The following ATP10D variants were observed in gnomAD, a reference collection of about 807,000 sequenced individuals.
ATP10D encodes phospholipid-transporting ATPase VD.
Under a neutral mutation model 144.8 loss-of-function variants are expected in ATP10D, and 89 were observed. The observed-to-expected ratio is 0.61, with a 90% CI of 0.52 to 0.73. The LOEUF is 0.73. Ranked by LOEUF, ATP10D falls within the 30% of genes least tolerant of loss-of-function variation. The pLI, the probability that ATP10D is intolerant of heterozygous loss-of-function variation, is 0.00. For synonymous variants in ATP10D, 571 were observed against 615.1 expected, an observed-to-expected ratio of 0.93 and a Z score of 1.06; for missense variants, 1,603 against 1,714.8, an observed-to-expected ratio of 0.93 and a Z score of 1.15.
At chr4:47,580,314 C>T in intron 19 of ATP10D, 84 bp from the exon 20 acceptor site, 1 of 1,102,022 alleles carries the variant, frequency 9.1e-7, no homozygotes, top group Non-Finnish European at 1.4e-6. Flanking sequence ...CTCAGAGAAA[C>T]AAATGTAAGT....
chr4:47,498,512 C>T (rs1366923599), intron 1 of ATP10D, among the ~76,000 whole-genome samples: 1 of 152,162 alleles, frequency 6.6e-6, no homozygotes, highest in Admixed American at 6.5e-5. Context: ...ATCTTTAGGC[C>T]ATTTTAAGGG....
chr4:47,572,760 G>A, intron 17 of ATP10D, 112 bp from the exon 18 acceptor site: 2 of 1,352,394 alleles, frequency 1.5e-6, no homozygotes, highest in African/African-American at 1.5e-5. Flanking sequence ...TGGAACAAAT[G>A]CGGTCAGAAG....
rs139063237 is a variant in ATP10D, at chr4:47,536,853, C to T, written c.1311C>T (p.Ser437=). 201 of 1,613,280 alleles carry T rather than the reference C, an allele frequency of 1.2e-4. 1 individual carries two copies. Among genetic ancestry groups the T allele is most frequent in the Middle Eastern group, 1.2e-3 (7 of 6,060 alleles). The change falls in exon 9 of 23, where the codon TCC becomes TCT. Residue 437 remains serine, a synonymous_variant. Transcript: ENST00000273859. ...EDLGQIQYLF[S]DKTGTLTENK... ...TGGGACAGATTCAGTACCTCTTTTCCGATAAGACAGGAACCCTCACTGAGA... is the reference window on the plus strand; with the variant it reads ...TGGGACAGATTCAGTACCTCTTTTCTGATAAGACAGGAACCCTCACTGAGA...
chr4:47,493,004 T>G (rs1011784703), intron 1 of ATP10D, among the ~76,000 whole-genome samples: 6 of 152,222 alleles, frequency 3.9e-5, no homozygotes, highest in African/African-American at 1.4e-4. Flanking sequence ...TTACAATTTT[T>G]CAGGGGCTAA....
chr4:47,517,251 C>CA (rs1191838247), intron 3 of ATP10D, among the ~76,000 whole-genome samples: 1 of 151,714 alleles, frequency 6.6e-6, no homozygotes, highest in East Asian at 1.9e-4. Flanking sequence ...CTGTCTCTAC[C>CA]AAAAAACAAC....
chr4:47,556,707 A>G (rs1229794005), intron 11 of ATP10D: 1 of 152,128 alleles, frequency 6.6e-6, no homozygotes, highest in Non-Finnish European at 1.5e-5. Flanking sequence ...CCAGCATAAG[A>G]CCTTCAAATT....
At chr4:47,548,711 T>C (rs1016220166) in intron 10 of ATP10D, among the ~76,000 whole-genome samples, 2 of 152,224 alleles carry the variant, frequency 1.3e-5, no homozygotes, top group East Asian at 1.9e-4. Flanking sequence ...CCTTGTTTTG[T>C]TTGTGTTTTG....
At chr4:47,559,136 C>A (rs1029468198) in intron 13 of ATP10D, 107 bp downstream of exon 13, 4 of 744,364 alleles carry the variant, frequency 5.4e-6, no homozygotes, top group African/African-American at 3.6e-5. Flanking sequence ...TGGGGAAAGT[C>A]CCCTGGACAC....
chr4:47,486,030 T>C (rs1449510726), intron 1 of ATP10D, among the ~76,000 whole-genome samples: 3 of 152,152 alleles, frequency 2.0e-5, no homozygotes, highest in Admixed American at 6.5e-5. Context: ...TTCCCTAAGG[T>C]TGATTCCTTA....
intron 10 of ATP10D, among the ~76,000 whole-genome samples, chr4:47,554,514 T>G (rs1278184871): frequency 6.6e-6 from 1 of 152,196 alleles, no homozygotes; most frequent in Non-Finnish European, 1.5e-5. Context: ...ATTGATGAGG[T>G]GCATTCTGGA....
At chr4:47,538,917 T>C (rs936838427) in intron 9 of ATP10D, among the ~76,000 whole-genome samples, 6 of 152,198 alleles carry the variant, frequency 3.9e-5, no homozygotes, top group African/African-American at 1.4e-4. Context: ...CCTAATGAGA[T>C]CATGTCCACC....
chr4:47,520,153 C>T (rs573956314), intron 3 of ATP10D, among the ~76,000 whole-genome samples: 65 of 152,302 alleles, frequency 4.3e-4, no homozygotes, highest in African/African-American at 1.2e-3. Flanking sequence ...CAAAATCTGT[C>T]TCTCTTTGGG....
intron 3 of ATP10D, among the ~76,000 whole-genome samples, chr4:47,516,582 G>A: frequency 6.6e-6 from 1 of 152,214 alleles, no homozygotes; most frequent in Non-Finnish European, 1.5e-5. Flanking sequence ...AGGCTTCTCT[G>A]AAGAAGTGAT....
chr4:47,569,264 AC>A, intron 16 of ATP10D, 118 bp downstream of exon 16: 1 of 1,183,814 alleles, frequency 8.4e-7, no homozygotes. Flanking sequence ...CTTTTTCTCT[AC>A]CACATTCATG....
chr4:47,580,281 C>T lies in ATP10D; in HGVS notation c.3568-117C>T, dbSNP rs544149705. On this transcript the variant is annotated intron_variant, in intron 19 of 22. Coordinates refer to ENST00000273859, the MANE Select transcript of ATP10D (RefSeq NM_020453.4). Reference sequence around the variant, plus strand: ...TATCTTTACCTCTGTTGACAAATACCACTTGAAGAAATGGAGCTTTCTCTC... The same window carrying T: ...TATCTTTACCTCTGTTGACAAATACTACTTGAAGAAATGGAGCTTTCTCTC... 31 of 820,650 alleles carry T rather than the reference C, an allele frequency of 3.8e-5. No individual in the cohort carries two copies. In the South Asian group the frequency reaches 4.3e-4, roughly 11 times the overall value. The allele number at this position is 820,650 out of a possible 1,614,324, so 50.8% of individuals were successfully genotyped here.
intron 1 of ATP10D, among the ~76,000 whole-genome samples, chr4:47,506,533 G>T (rs1238465009): frequency 1.3e-5 from 2 of 152,094 alleles, no homozygotes; most frequent in African/African-American, 4.8e-5. Flanking sequence ...CATCATGCAG[G>T]CCTGCTTTAC....
At chr4:47,503,724 C>G (rs1031997716) in intron 1 of ATP10D, among the ~76,000 whole-genome samples, 2 of 151,828 alleles carry the variant, frequency 1.3e-5, no homozygotes, top group African/African-American at 4.8e-5. Context: ...TAGAAAGACC[C>G]TGTCTCTACA....
chr4:47,542,625 C>CATT (rs1718200148), intron 9 of ATP10D, among the ~76,000 whole-genome samples: 1 of 151,834 alleles, frequency 6.6e-6, no homozygotes, highest in Non-Finnish European at 1.5e-5. Context: ...TTACAGGTGC[C>CATT]CGCCACCACA....
intron 20 of ATP10D, among the ~76,000 whole-genome samples, chr4:47,580,685 C>A (rs1158054190): frequency 1.1e-4 from 17 of 152,076 alleles, no homozygotes; most frequent in Admixed American, 1.1e-3. Context: ...CCTCTTAGGC[C>A]TCTTGTTAAC....
Sources: allele counts gnomAD v4.1 joint callset (sites outside exome capture counted in the v4.1 genomes callset), GRCh38; gene constraint gnomAD v4.1.1; transcripts MANE v1.5; gene names NCBI Gene and HGNC (gene_info 2026-07-23, HGNC 2026-07-21).